Variants in NCALD observed in about 807,000 individuals in gnomAD.
NCALD encodes neurocalcin-delta.
Under a neutral mutation model 18.6 loss-of-function variants are expected in NCALD, and 10 were observed. That is an observed-to-expected ratio of 0.54 (90% CI 0.33 to 0.91). The LOEUF (loss-of-function observed/expected upper bound fraction) is 0.91. Ranked by LOEUF, NCALD falls within the 40% of genes least tolerant of loss-of-function variation. The pLI is 0.03. For missense variants in NCALD, 184 were observed against 247.6 expected, an observed-to-expected ratio of 0.74 and a Z score of 1.72; for synonymous variants, 88 against 87.4, an observed-to-expected ratio of 1.01 and a Z score of -0.04.
intron 2 of NCALD, among the ~76,000 whole-genome samples, chr8:102,002,230 G>A (rs1244592058): frequency 6.6e-6 from 1 of 152,182 alleles, no homozygotes; most frequent in South Asian, 2.1e-4. Flanking sequence ...TGCAATCCTA[G>A]TCTCTAATAA....
At chr8:102,042,732 T>G (rs892995513) in intron 1 of NCALD, among the ~76,000 whole-genome samples, 1 of 131,908 alleles carries the variant, frequency 7.6e-6, no homozygotes, top group Non-Finnish European at 1.6e-5. Context: ...GCACATTATC[T>G]GCATCGCAGA....
At chr8:101,976,309 T>C (rs1403332161) in intron 2 of NCALD, among the ~76,000 whole-genome samples, 3 of 152,210 alleles carry the variant, frequency 2.0e-5, no homozygotes, top group African/African-American at 7.2e-5. Flanking sequence ...GTTGTGACCT[T>C]GGCTGGTACA....
chr8:101,695,525 ATTC>A (rs1311307860), intron 2 of NCALD, among the ~76,000 whole-genome samples: 1 of 151,912 alleles, frequency 6.6e-6, no homozygotes, highest in African/African-American at 2.4e-5. Flanking sequence ...CTTTGTTTAT[ATTC>A]TTCTCTCACC....
intron 1 of NCALD, among the ~76,000 whole-genome samples, chr8:102,080,798 A>T (rs1824502942): frequency 6.6e-6 from 1 of 152,248 alleles, no homozygotes; most frequent in Admixed American, 6.5e-5. Flanking sequence ...CTTGAATTAT[A>T]CAAGACCAGT....
Position 101,934,633 on chromosome 8 carries a change from G to A in NCALD, c.-156-18775C>T, listed in dbSNP as rs185532840. Among the ~76,000 whole-genome samples the A allele has an allele frequency of 1.1e-4, 17 of 151,668 alleles. No homozygotes were observed. In the East Asian group the frequency reaches 3.1e-3, roughly 28 times the overall value. On this transcript the variant is annotated intron_variant, in intron 2 of 6. Coordinates refer to the NCALD transcript ENST00000311028. ...TACTGAAAGGGACAATAGAAAGAAA[G>A]CCATGAGTGAATTTCCTGAGAGCAG...
chr8:101,690,192 G>A (rs1814658317), intron 3 of NCALD: 1 of 955,510 alleles, frequency 1.0e-6, no homozygotes, highest in Non-Finnish European at 1.2e-6. Context: ...GTCACTTGTG[G>A]AGAGGAGGGG....
chr8:102,091,920 G>C (rs779211048), intron 1 of NCALD, among the ~76,000 whole-genome samples: 1 of 152,156 alleles, frequency 6.6e-6, no homozygotes, highest in South Asian at 2.1e-4. Flanking sequence ...AGGATTAAGG[G>C]TTCTTTTATA....
intron 2 of NCALD, among the ~76,000 whole-genome samples, chr8:101,993,148 GAA>G (rs79585820): frequency 3.7e-5 from 5 of 136,244 alleles, no homozygotes; most frequent in South Asian, 2.4e-4. Flanking sequence ...CACTCTACAG[GAA>G]AAAAAAAAAA....
intron 1 of NCALD, among the ~76,000 whole-genome samples, chr8:101,782,625 G>A (rs1461412027): frequency 2.0e-5 from 3 of 152,092 alleles, no homozygotes; most frequent in African/African-American, 4.8e-5. Flanking sequence ...AGGTGGGGAG[G>A]TGTCCTATTT....
At chr8:101,928,571 C>T (rs1818423583) in intron 2 of NCALD, among the ~76,000 whole-genome samples, 1 of 151,618 alleles carries the variant, frequency 6.6e-6, no homozygotes, top group African/African-American at 2.4e-5. Context: ...CTGCTCGCCT[C>T]TAAATCAAAT....
At position 101,708,776 on chromosome 8, in the gene NCALD, T is replaced by C. The variant is rs557277236; in HGVS notation, c.378+10476A>G. ...CCCTGGGGTCTCTACCCTTAATACATGGATCCCTCCACCCCTCAAGATCCC... is the reference window on the plus strand; with the variant it reads ...CCCTGGGGTCTCTACCCTTAATACACGGATCCCTCCACCCCTCAAGATCCC... On this transcript the variant is annotated intron_variant, in intron 2 of 3. Transcript: ENST00000220931. Among the ~76,000 whole-genome samples the C allele has an allele frequency of 8.0e-4, 122 of 152,252 alleles. 4 individuals carry two copies. The highest frequency in any genetic ancestry group is 6.1e-3 in the Admixed American group (93 of 15,288).
chr8:101,811,860 G>A (rs1813317222), intron 4 of NCALD, among the ~76,000 whole-genome samples: 1 of 152,174 alleles, frequency 6.6e-6, no homozygotes, highest in Admixed American at 6.5e-5. Flanking sequence ...TTTACAAAAG[G>A]ACTTAAATTG....
intron 3 of NCALD, chr8:101,915,456 T>C (rs1473578501): frequency 6.6e-6 from 1 of 152,220 alleles, no homozygotes; most frequent in Non-Finnish European, 1.5e-5. Flanking sequence ...CAATTTAACA[T>C]AAAGGAGGAT....
intron 4 of NCALD, among the ~76,000 whole-genome samples, chr8:101,813,139 A>C (rs555132537): frequency 2.1e-4 from 32 of 152,214 alleles, no homozygotes; most frequent in African/African-American, 6.3e-4. Context: ...TTAAACATTT[A>C]ATAAATAATG....
At chr8:101,985,915 C>T (rs1026139801) in intron 2 of NCALD, among the ~76,000 whole-genome samples, 4 of 152,190 alleles carry the variant, frequency 2.6e-5, no homozygotes, top group Non-Finnish European at 1.5e-5. Flanking sequence ...CTTGCACACT[C>T]CCGCCACACA....
chr8:101,811,164 C>T (rs749084162), intron 4 of NCALD, among the ~76,000 whole-genome samples: 13 of 151,990 alleles, frequency 8.6e-5, no homozygotes, highest in Non-Finnish European at 1.6e-4. Flanking sequence ...TCTCACATGT[C>T]AAAGAGGAAT....
intron 2 of NCALD, among the ~76,000 whole-genome samples, chr8:101,695,159 G>T (rs879641152): frequency 3.9e-5 from 6 of 152,154 alleles, no homozygotes; most frequent in African/African-American, 7.2e-5. Flanking sequence ...TTAGAAATTG[G>T]CATCCCTGCA....
At chr8:102,062,206 G>A (rs1237990999) in intron 1 of NCALD, among the ~76,000 whole-genome samples, 1 of 152,232 alleles carries the variant, frequency 6.6e-6, no homozygotes, top group Non-Finnish European at 1.5e-5. Context: ...GAGAGGCTGA[G>A]AGGAGAAGAT....
chr8:101,965,534 T>TA (rs1457712298), intron 2 of NCALD, among the ~76,000 whole-genome samples: 2 of 152,074 alleles, frequency 1.3e-5, no homozygotes, highest in Non-Finnish European at 2.9e-5. Context: ...AAACACCACA[T>TA]GTTCTCACTC....
Sources: gnomAD v4.1 joint callset for allele counts (sites outside exome capture counted in the v4.1 genomes callset) on GRCh38, gnomAD v4.1.1 for gene constraint, MANE v1.5 for transcripts, NCBI Gene and HGNC (gene_info 2026-07-23, HGNC 2026-07-21) for gene names.